Variants in AUTS2 observed in about 807,000 individuals in gnomAD.
AUTS2 encodes the protein autism susceptibility gene 2 protein.
AUTS2 carries 17 observed loss-of-function variants against 112.4 expected under a neutral mutation model. The ratio of observed to expected loss-of-function variants is 0.15; its 90% CI spans 0.10 to 0.23. The LOEUF is 0.23. Among genes scored for constraint, AUTS2 ranks in the 10% least tolerant of loss-of-function variants. The pLI, the probability that AUTS2 is intolerant of heterozygous loss-of-function variation, is 1.00. For synonymous variants in AUTS2, 751 were observed against 702.7 expected, an observed-to-expected ratio of 1.07 and a Z score of -1.09; for missense variants, 1,510 against 1,701.6, an observed-to-expected ratio of 0.89 and a Z score of 1.98.
At chr7:70,566,288 A>G (rs976856809) in intron 5 of AUTS2, among the ~76,000 whole-genome samples, 1 of 152,144 alleles carries the variant, frequency 6.6e-6, no homozygotes, top group Non-Finnish European at 1.5e-5. Context: ...TAAAACATTT[A>G]CATTGTATTT....
intron 5 of AUTS2, among the ~76,000 whole-genome samples, chr7:70,545,101 T>A (rs1800717676): frequency 6.6e-6 from 1 of 152,198 alleles, no homozygotes; most frequent in African/African-American, 2.4e-5. Context: ...ATTTCAAAAT[T>A]GAAATTCAGG....
intron 4 of AUTS2, among the ~76,000 whole-genome samples, chr7:70,181,474 A>G (rs1428570665): frequency 6.6e-6 from 1 of 151,674 alleles, no homozygotes; most frequent in Non-Finnish European, 1.5e-5. Context: ...CAGTTCTGCT[A>G]AAGTTAACTT....
chr7:69,617,688 A>G (rs1793453739), intron 1 of AUTS2, among the ~76,000 whole-genome samples: 1 of 152,246 alleles, frequency 6.6e-6, no homozygotes, highest in Admixed American at 6.5e-5. Flanking sequence ...AAACAAGAGC[A>G]CATCTGGAGC....
At chr7:70,336,151 A>G (rs1292883004) in intron 4 of AUTS2, among the ~76,000 whole-genome samples, 1 of 152,232 alleles carries the variant, frequency 6.6e-6, no homozygotes, top group Non-Finnish European at 1.5e-5. Context: ...ACTTCTTTTT[A>G]AAATAATTGG....
intron 5 of AUTS2, among the ~76,000 whole-genome samples, chr7:70,620,078 C>T (rs1231448090): frequency 6.6e-6 from 1 of 152,134 alleles, no homozygotes; most frequent in Non-Finnish European, 1.5e-5. Flanking sequence ...CTTACCTGCA[C>T]CTCTCCCTTA....
chr7:69,749,371 T>C (rs1445700054), intron 1 of AUTS2, among the ~76,000 whole-genome samples: 1 of 152,204 alleles, frequency 6.6e-6, no homozygotes, highest in East Asian at 1.9e-4. Flanking sequence ...GTTCATCTCC[T>C]CGAAAAGAAA....
chr7:69,700,722 TG>T (rs1797767116), intron 1 of AUTS2, among the ~76,000 whole-genome samples: 1 of 152,236 alleles, frequency 6.6e-6, no homozygotes, highest in Non-Finnish European at 1.5e-5. Context: ...TTGTATTTCT[TG>T]AGATTTACTT....
chr7:70,785,317 A>C (rs949721912), intron 16 of AUTS2: 3 of 594,794 alleles, frequency 5.0e-6, no homozygotes, highest in East Asian at 7.2e-5. Context: ...ATCCGAGTTT[A>C]CAACAGCCTG....
intron 13 of AUTS2, chr7:70,776,799 A>AAAGAG (rs1790728568): frequency 2.4e-6 from 1 of 419,788 alleles, no homozygotes; most frequent in Non-Finnish European, 4.4e-6. Flanking sequence ...AGCAGAAAAG[A>AAAGAG]AAGAGAAGAG....
chr7:70,721,095 A>ATAATAG (rs1350833398), intron 6 of AUTS2, among the ~76,000 whole-genome samples: 1 of 151,400 alleles, frequency 6.6e-6, no homozygotes, highest in Non-Finnish European at 1.5e-5. Flanking sequence ...AATAATAATA[A>ATAATAG]TAATAATAGC....
chr7:70,594,210 C>G (rs1803085611), intron 5 of AUTS2, among the ~76,000 whole-genome samples: 1 of 152,160 alleles, frequency 6.6e-6, no homozygotes, highest in African/African-American at 2.4e-5. Context: ...CCACTTTGAC[C>G]CTGACCTTTG....
At chr7:70,424,094 T>C (rs1795332878) in intron 4 of AUTS2, among the ~76,000 whole-genome samples, 1 of 152,212 alleles carries the variant, frequency 6.6e-6, no homozygotes, top group African/African-American at 2.4e-5. Flanking sequence ...ATTCACTGGT[T>C]AAGAAAGGTA....
At chr7:70,061,474 G>A (rs1254210433) in intron 2 of AUTS2, among the ~76,000 whole-genome samples, 2 of 152,168 alleles carry the variant, frequency 1.3e-5, no homozygotes, top group African/African-American at 4.8e-5. Flanking sequence ...AAAATTTTAA[G>A]AGAGAGGAAG....
At chr7:69,819,616 C>G (rs1205750242) in intron 1 of AUTS2, among the ~76,000 whole-genome samples, 1 of 152,160 alleles carries the variant, frequency 6.6e-6, no homozygotes, top group Non-Finnish European at 1.5e-5. Context: ...GGAGAATGTG[C>G]CAAAACGGGA....
chr7:70,301,106 A>G (rs1789188850), intron 4 of AUTS2, among the ~76,000 whole-genome samples: 1 of 152,198 alleles, frequency 6.6e-6, no homozygotes, highest in Non-Finnish European at 1.5e-5. Flanking sequence ...GAGCATTTAG[A>G]CCATAATTCA....
chr7:70,249,858 A>G (rs988238381), intron 4 of AUTS2, among the ~76,000 whole-genome samples: 1 of 151,068 alleles, frequency 6.6e-6, no homozygotes, highest in Non-Finnish European at 1.5e-5. Flanking sequence ...TAAGTAAAAT[A>G]TTAATATTTT....
At chr7:70,530,478 C>A (rs1800037822) in intron 5 of AUTS2, among the ~76,000 whole-genome samples, 1 of 152,116 alleles carries the variant, frequency 6.6e-6, no homozygotes, top group African/African-American at 2.4e-5. Context: ...TTTTAATCAG[C>A]TTCTGTGCGG....
chr7:70,332,340 A>G (rs776096036), intron 4 of AUTS2, among the ~76,000 whole-genome samples: 5 of 152,228 alleles, frequency 3.3e-5, no homozygotes, highest in Non-Finnish European at 5.9e-5. Flanking sequence ...AAAATAGTCC[A>G]TGCTCATGGA....
At chr7:69,623,826 G>A (rs1018122271) in intron 1 of AUTS2, among the ~76,000 whole-genome samples, 1 of 151,994 alleles carries the variant, frequency 6.6e-6, no homozygotes, top group African/African-American at 2.4e-5. Context: ...GAATACCCAG[G>A]TAACCAGTAC....
Sources: allele counts gnomAD v4.1 joint callset (sites outside exome capture counted in the v4.1 genomes callset), GRCh38; gene constraint gnomAD v4.1.1; transcripts MANE v1.5; gene names NCBI Gene and HGNC (gene_info 2026-07-23, HGNC 2026-07-21).